The following ZGPAT variants were observed in gnomAD, a reference collection of about 807,000 sequenced individuals.
The protein encoded by ZGPAT is zinc finger CCCH-type and G-patch domain containing.
ZGPAT carries 39 observed loss-of-function variants against 47.9 expected under a neutral mutation model. The observed-to-expected ratio is 0.81, with a 90% CI of 0.63 to 1.06. ZGPAT has a LOEUF of 1.06. Ranked by LOEUF, ZGPAT falls within the 50% of genes least tolerant of loss-of-function variation. ZGPAT has a pLI of 0.00. For missense variants in ZGPAT, 717 were observed against 681.4 expected (o/e 1.05, Z -0.58); for synonymous variants, 348 against 292.9 (o/e 1.19, Z -1.92).
intron 4 of ZGPAT, 102 bp from the exon 5 acceptor site, chr20:63,734,603 T>G (rs770870825): frequency 7.1e-6 from 11 of 1,552,894 alleles, no homozygotes; most frequent in Non-Finnish European, 9.6e-6. Flanking sequence ...TGCACAATCC[T>G]CTGGCCTGGC....
In ZGPAT at chr20:63,709,044, C is replaced by G. The variant is rs754770242; in HGVS notation, c.464C>G (p.Thr155Arg). 13 of 1,613,498 alleles carry G rather than the reference C, an allele frequency of 8.1e-6. No individual in the cohort carries two copies. The South Asian group carries it at 1.4e-4, about 18-fold the overall frequency. ...LEYHNAMVVG[T>R]EEAEDGSAGV... Reference sequence around the variant, plus strand: ...TATCACAACGCCATGGTGGTGGGAACGGAAGAGGCGGAGGATGGCTCGGCG... The same window carrying G: ...TATCACAACGCCATGGTGGTGGGAAGGGAAGAGGCGGAGGATGGCTCGGCG... The change falls in exon 2 of 7, where the codon ACG becomes AGG. Residue 155 changes from threonine to arginine, a missense_variant. By Grantham distance (71) the Thr-to-Arg change is moderately conservative (BLOSUM62 -1). Transcript: ENST00000355969.
chr20:63,733,459 G>T (rs901315094), intron 3 of ZGPAT, 107 bp downstream of exon 3: 1 of 1,596,264 alleles, frequency 6.3e-7, no homozygotes, highest in Admixed American at 1.7e-5. Context: ...CGGGACTCTG[G>T]CTCTGGGCCC....
chr20:63,720,568 T>G (rs1185622047), intron 2 of ZGPAT, among the ~76,000 whole-genome samples: 2 of 152,132 alleles, frequency 1.3e-5, no homozygotes, highest in African/African-American at 4.8e-5. Flanking sequence ...TCTCCCACCT[T>G]AGTCTCCTGA....
rs753969270 is a variant in ZGPAT at position 63,733,663 on chromosome 20, C to T, written c.795C>T (p.Ile265=). 6 of 1,613,936 alleles carry T rather than the reference C, an allele frequency of 3.7e-6. No individual in the cohort carries two copies. Among genetic ancestry groups the T allele is most frequent in the Middle Eastern group, 3.3e-4 (2 of 6,062 alleles). The change falls in exon 4 of 7, where the codon ATC becomes ATT. Residue 265 remains isoleucine (I), a synonymous_variant. Coordinates refer to ENST00000355969, the MANE Select transcript of ZGPAT (RefSeq NM_181485.3). ...AGGCCGTGGTGGAGGGGGACGGCAT[C>T]CTGCCCCCACTGCGCACAGAGGCCA... ...LREAVVEGDG[I]LPPLRTEATE...
intron 2 of ZGPAT, among the ~76,000 whole-genome samples, chr20:63,715,567 G>C (rs978447274): frequency 2.0e-5 from 3 of 152,056 alleles, no homozygotes; most frequent in Admixed American, 1.3e-4. Flanking sequence ...AAAGTTTAAG[G>C]CCTTATCATG....
At chr20:63,721,256 G>A (rs1043127003) in intron 2 of ZGPAT, among the ~76,000 whole-genome samples, 6 of 152,004 alleles carry the variant, frequency 3.9e-5, no homozygotes, top group Admixed American at 3.9e-4. Context: ...GAAGACTGAG[G>A]CAGGAGAATC....
At chr20:63,728,037 CTTTT>C (rs11483917) in intron 2 of ZGPAT, among the ~76,000 whole-genome samples, 2 of 133,302 alleles carry the variant, frequency 1.5e-5, no homozygotes. Flanking sequence ...TTTTTAAATT[CTTTT>C]TTTTTTTTTT....
intron 2 of ZGPAT, among the ~76,000 whole-genome samples, chr20:63,730,762 G>A (rs1230676028): frequency 5.9e-5 from 9 of 152,286 alleles, no homozygotes; most frequent in African/African-American, 1.7e-4. Flanking sequence ...GATTACAGGC[G>A]TGAGCCGCTG....
intron 2 of ZGPAT, among the ~76,000 whole-genome samples, chr20:63,710,810 A>G (rs1300192003): frequency 6.6e-6 from 1 of 152,206 alleles, no homozygotes; most frequent in East Asian, 1.9e-4. Flanking sequence ...TAGGTAACAC[A>G]TTTAATGGTA....
intron 2 of ZGPAT, among the ~76,000 whole-genome samples, chr20:63,726,222 G>A (rs890440378): frequency 5.9e-5 from 8 of 136,222 alleles, no homozygotes; most frequent in East Asian, 2.1e-4. Context: ...TTTTTGAGTC[G>A]GAGTCTCACT....
At chr20:63,727,616 G>A (rs2091858305) in intron 2 of ZGPAT, among the ~76,000 whole-genome samples, 2 of 148,506 alleles carry the variant, frequency 1.3e-5, no homozygotes, top group East Asian at 4.0e-4. Flanking sequence ...GGTGCATTGA[G>A]CTGAGATCAT....
In ZGPAT at chr20:63,734,704, G is replaced by C. The variant is rs1312877068; in HGVS notation, c.872-1G>C. On this transcript the variant is annotated splice_acceptor_variant, in intron 4 of 6. Transcript: ENST00000355969. LOFTEE classifies it high-confidence loss of function. ...CTCTGCCCTCTGTCCGTCTCTTGCA[G>C]TGGTGGGGTCAGATGCTGTGGACTC... The C allele has an allele frequency of 3.7e-6, 6 of 1,613,772 alleles. No homozygotes were observed. Among genetic ancestry groups the C allele is most frequent in the African/African-American group, 2.7e-5 (2 of 74,940 alleles).
At chr20:63,734,551 C>G in intron 4 of ZGPAT, 154 bp from the exon 5 acceptor site, 1 of 1,447,680 alleles carries the variant, frequency 6.9e-7, no homozygotes, top group Non-Finnish European at 9.3e-7. Context: ...TGTCGTGGCT[C>G]TGCCCAGGAT....
chr20:63,733,533 T>A (rs6011068), intron 3 of ZGPAT, 54 bp from the exon 4 acceptor site: 1,503,621 of 1,613,756 alleles, frequency 0.93, 701,010 homozygotes, highest in East Asian at 0.99. Context: ...GGTGGTTCCC[T>A]TCAGTGGCAC....
intron 2 of ZGPAT, among the ~76,000 whole-genome samples, chr20:63,731,147 C>A (rs2145688919): frequency 6.6e-6 from 1 of 152,286 alleles, no homozygotes; most frequent in Admixed American, 6.5e-5. Flanking sequence ...GTGGCCTGTG[C>A]AGTAGTGAGG....
At chr20:63,734,971 C>CG in intron 5 of ZGPAT, 147 bp downstream of exon 5, 1 of 1,323,492 alleles carries the variant, frequency 7.6e-7, no homozygotes, top group Non-Finnish European at 1.0e-6. Flanking sequence ...CTCAGATTCC[C>CG]GGGGTCCCGC....
At position 63,734,791 on chromosome 20, in the gene ZGPAT, C is replaced by T; in HGVS notation, c.958C>T (p.Leu320Phe). Reference protein sequence around the residue: ...EVHTRGIGSRLLTKMGYEFGK... With the variant: ...EVHTRGIGSRFLTKMGYEFGK... ...GCACACGCGAGGTATAGGCTCCAGACTCCTCACCAAGATGGGCTATGAGTT... is the reference window on the plus strand; with the variant it reads ...GCACACGCGAGGTATAGGCTCCAGATTCCTCACCAAGATGGGCTATGAGTT... The change falls in exon 5 of 7, where the codon CTC becomes TTC. Residue 320 changes from leucine to phenylalanine, a missense_variant. Transcript: ENST00000355969. 6.2e-7 allele frequency: 1 copy of T among 1,608,922 alleles called. No individual in the cohort carries two copies. Among genetic ancestry groups the T allele is most frequent in the South Asian group, 1.1e-5 (1 of 90,288 alleles).
chr20:63,708,838 C>T lies in ZGPAT; in HGVS notation c.258C>T (p.Ile86=). 3.7e-6 allele frequency: 6 copies of T among 1,605,616 alleles called. No homozygotes were observed. Among genetic ancestry groups the T allele is most frequent in the Non-Finnish European group, 5.1e-6 (6 of 1,175,162 alleles). Residue 86 remains isoleucine (I), a synonymous_variant, in exon 2 of 7, where the codon ATC becomes ATT. Coordinates refer to ENST00000355969, the MANE Select transcript of ZGPAT (RefSeq NM_181485.3). Reference sequence around the variant, plus strand: ...AGTACCAGGCTTTCCGGGAGGCCATCACTGAGGCGGTGGAGGCACCAGCAG... The same window carrying T: ...AGTACCAGGCTTTCCGGGAGGCCATTACTGAGGCGGTGGAGGCACCAGCAG... ...DAEYQAFREA[I]TEAVEAPAAA...
chr20:63,715,070 A>G (rs1222536794), intron 2 of ZGPAT, among the ~76,000 whole-genome samples: 4 of 151,942 alleles, frequency 2.6e-5, no homozygotes, highest in African/African-American at 9.7e-5. Context: ...CAGATAAAGC[A>G]CGCATATTCA....
Sources: gnomAD v4.1 joint callset for allele counts (sites outside exome capture counted in the v4.1 genomes callset) on GRCh38, gnomAD v4.1.1 for gene constraint, MANE v1.5 for transcripts, NCBI Gene and HGNC (gene_info 2026-07-23, HGNC 2026-07-21) for gene names.